The following RFC1 variants were observed in gnomAD, a reference collection of about 807,000 sequenced individuals.
The protein encoded by RFC1 is replication factor C subunit 1.
Under a neutral mutation model 137.4 loss-of-function variants are expected in RFC1, and 37 were observed. That is an observed-to-expected ratio of 0.27 (90% confidence interval 0.21 to 0.35). The LOEUF is 0.35. Among genes scored for constraint, RFC1 ranks in the 10% least tolerant of loss-of-function variants. The probability of loss-of-function intolerance (pLI) is 1.00; values close to 1 mark genes in which losing one functional copy is unlikely to be tolerated. For synonymous variants in RFC1, 429 were observed against 455.7 expected (o/e 0.94, Z 0.75); for missense variants, 1,205 against 1,358.5 (o/e 0.89, Z 1.78).
At chr4:39,329,044 T>A (rs1174443141) in intron 4 of RFC1, among the ~76,000 whole-genome samples, 1 of 144,798 alleles carries the variant, frequency 6.9e-6, no homozygotes, top group African/African-American at 2.6e-5. Flanking sequence ...TTTTTAAGCA[T>A]TCATGACAAC....
chr4:39,304,752 G>A, intron 15 of RFC1, 62 bp downstream of exon 15: 1 of 974,360 alleles, frequency 1.0e-6, no homozygotes, highest in Non-Finnish European at 1.7e-6. Flanking sequence ...ACTGGTTACT[G>A]AACATTGAAA....
At chr4:39,317,638 A>C (rs747941877) in intron 9 of RFC1, among the ~76,000 whole-genome samples, 2 of 152,200 alleles carry the variant, frequency 1.3e-5, no homozygotes, top group Non-Finnish European at 2.9e-5. Context: ...AATCCTGGGG[A>C]AACTTTTCAA....
chr4:39,332,776 T>C (rs969802225), intron 4 of RFC1, among the ~76,000 whole-genome samples: 2 of 152,166 alleles, frequency 1.3e-5, no homozygotes, highest in African/African-American at 4.8e-5. Context: ...CTATAAATAG[T>C]AAAACAGTTT....
intron 9 of RFC1, among the ~76,000 whole-genome samples, chr4:39,317,462 C>CACCA (rs1281558805): frequency 6.6e-6 from 1 of 152,160 alleles, no homozygotes; most frequent in African/African-American, 2.4e-5. Context: ...GCCCCTAAAG[C>CACCA]ACCAGCCTGC....
At chr4:39,354,493 G>T (rs1001190825) in intron 1 of RFC1, among the ~76,000 whole-genome samples, 1 of 152,076 alleles carries the variant, frequency 6.6e-6, no homozygotes, top group African/African-American at 2.4e-5. Flanking sequence ...GTGGAGAAAG[G>T]AACAAATATT....
intron 1 of RFC1, among the ~76,000 whole-genome samples, chr4:39,357,415 T>C (rs957646688): frequency 6.6e-5 from 10 of 152,106 alleles, no homozygotes; most frequent in African/African-American, 2.4e-4. Flanking sequence ...AAAATACAAA[T>C]CAACACAGGC....
Position 39,295,662 on chromosome 4 carries a change from C to A in RFC1, c.2906G>T (p.Gly969Val). The A allele has an allele frequency of 6.2e-7, 1 of 1,613,566 alleles. No homozygotes were observed. Among genetic ancestry groups the A allele is most frequent in the African/African-American group, 1.3e-5 (1 of 74,986 alleles). Residue 969 changes from glycine to valine, a missense_variant, in exon 22 of 25, where the codon GGC (glycine) becomes GTC (valine). Coordinates refer to ENST00000349703, the MANE Select transcript of RFC1 (RefSeq NM_002913.5). Reference protein sequence around the residue: ...PSWLGKHSSTGKHDRIVQDLA... With the variant: ...PSWLGKHSSTVKHDRIVQDLA... ...GTCCTGAACAATACGATCATGTTTG[C>A]CTGTAGACGAGTGCTTCCCCAGCCA...
intron 10 of RFC1, 39 bp downstream of exon 10, chr4:39,316,876 A>T: frequency 8.1e-7 from 1 of 1,228,354 alleles, no homozygotes. Context: ...CATACGGCAG[A>T]GGCCCTCACA....
intron 1 of RFC1, among the ~76,000 whole-genome samples, chr4:39,357,819 A>AT (rs1156749610): frequency 6.6e-6 from 1 of 151,824 alleles, no homozygotes; most frequent in Non-Finnish European, 1.5e-5. Flanking sequence ...GGGTTTCACT[A>AT]TGTTGGCCAG....
Position 39,304,933 on chromosome 4 carries a change from T to A in RFC1, c.1996-5A>T. 6.4e-7 allele frequency: 1 copy of A among 1,567,626 alleles called. No homozygotes were observed. Among genetic ancestry groups the A allele is most frequent in the South Asian group, 1.1e-5 (1 of 90,228 alleles). On this transcript the variant is annotated splice_polypyrimidine_tract_variant and splice_region_variant and intron_variant, in intron 14 of 24. Transcript: ENST00000349703. ...CACGTAGCTGTATCCCAACTCCTAA[T>A]CAAAATATTGGAAACCACTGAAGGC...
chr4:39,305,432 C>A (rs902707280), intron 14 of RFC1, among the ~76,000 whole-genome samples: 1 of 151,966 alleles, frequency 6.6e-6, no homozygotes, highest in Non-Finnish European at 1.5e-5. Flanking sequence ...CATGGTGAAA[C>A]CCCATCTCGA....
chr4:39,303,678 T>G (rs1738488423), intron 15 of RFC1, among the ~76,000 whole-genome samples: 2 of 152,256 alleles, frequency 1.3e-5, no homozygotes, highest in Non-Finnish European at 2.9e-5. Flanking sequence ...GGTCTCAAAC[T>G]CCTGACCTCA....
intron 9 of RFC1, among the ~76,000 whole-genome samples, chr4:39,317,355 T>C (rs535644024): frequency 2.0e-5 from 3 of 152,356 alleles, no homozygotes; most frequent in Non-Finnish European, 2.9e-5. Context: ...TTTCATGATA[T>C]ATCCATATAT....
At position 39,288,691 on chromosome 4, in the gene RFC1, G is replaced by C. The variant is rs781648630; in HGVS notation, c.*70C>G. On this transcript the variant is annotated 3_prime_UTR_variant, in exon 25 of 25. Coordinates refer to ENST00000349703, the MANE Select transcript of RFC1 (RefSeq NM_002913.5). ...CATGGTTGCTCTGGGAAAAAACAAG[G>C]CTTTCTCTAGACCAGCTGGACTGGT... 1.0e-6 allele frequency: 1 copy of C among 969,096 alleles called. No homozygotes were observed. The highest frequency in any genetic ancestry group is 1.4e-5 in the South Asian group (1 of 71,800). The allele number at this position is 969,096 out of a possible 1,614,324, so 60.0% of individuals were successfully genotyped here.
intron 22 of RFC1, among the ~76,000 whole-genome samples, chr4:39,294,930 G>C (rs1035366333): frequency 2.6e-5 from 4 of 152,212 alleles, no homozygotes; most frequent in African/African-American, 9.7e-5. Context: ...CTTAAACCCG[G>C]AGGTGGAGGA....
chr4:39,288,437 G>C lies in RFC1; in HGVS notation c.*324C>G, dbSNP rs1737488018. On this transcript the variant is annotated 3_prime_UTR_variant, in exon 25 of 25. Transcript: ENST00000349703. Reference sequence around the variant, plus strand: ...AGACGCCTTAGTACTACTGCTCCCAGGCTCATTATTGTTAACTAAAATCTG... The same window carrying C: ...AGACGCCTTAGTACTACTGCTCCCACGCTCATTATTGTTAACTAAAATCTG... The C allele has an allele frequency of 5.0e-6, 1 of 200,480 alleles. No individual in the cohort carries two copies. The highest frequency in any genetic ancestry group is 2.3e-5 in the African/African-American group (1 of 43,078). 12.4% of individuals were successfully genotyped at this position (200,480 alleles called of 1,614,324 possible). A position where few individuals can be genotyped will look rare whatever the true frequency, so the allele number is the denominator to read the frequency against.
chr4:39,294,415 T>A (rs1261304384), intron 22 of RFC1, among the ~76,000 whole-genome samples: 1 of 152,196 alleles, frequency 6.6e-6, no homozygotes, highest in Non-Finnish European at 1.5e-5. Flanking sequence ...CTCACGCCTG[T>A]AATCCCAGCA....
chr4:39,359,884 A>G (rs1741665958), intron 1 of RFC1, among the ~76,000 whole-genome samples: 1 of 151,896 alleles, frequency 6.6e-6, no homozygotes. Flanking sequence ...GTGGGAAGGA[A>G]GTGAGGGATA....
intron 21 of RFC1, 151 bp from the exon 22 acceptor site, chr4:39,295,910 A>T (rs1737963223): frequency 1.8e-6 from 1 of 558,806 alleles, no homozygotes; most frequent in Non-Finnish European, 3.0e-6. Flanking sequence ...TATAACTCTG[A>T]TCTGCTGGTA....
Sources: allele counts gnomAD v4.1 joint callset (sites outside exome capture counted in the v4.1 genomes callset), GRCh38; gene constraint gnomAD v4.1.1; transcripts MANE v1.5; gene names NCBI Gene and HGNC (gene_info 2026-07-23, HGNC 2026-07-21).